The following PRELID2 variants were observed in gnomAD, a reference collection of about 807,000 sequenced individuals.
PRELID2 encodes the protein PRELI domain-containing protein 2.
In PRELID2, 25 loss-of-function variants were observed where a neutral mutation model predicts 28.4. The ratio of observed to expected loss-of-function variants is 0.88; its 90% CI spans 0.64 to 1.23. The LOEUF (loss-of-function observed/expected upper bound fraction) is 1.23, where lower values mean the gene tolerates loss of function less well. Among genes scored for constraint, PRELID2 ranks in the 50% most tolerant of loss-of-function variants. PRELID2 has a pLI of 0.00. For missense variants in PRELID2, 201 were observed against 214.4 expected (o/e 0.94, Z 0.39); for synonymous variants, 76 against 71.6 (o/e 1.06, Z -0.31).
intron 1 of PRELID2, among the ~76,000 whole-genome samples, chr5:145,717,207 C>T (rs573010792): frequency 6.6e-6 from 1 of 152,102 alleles, no homozygotes; most frequent in South Asian, 2.1e-4. Context: ...AAATGTCTGG[C>T]CCACACAAAT....
chr5:145,610,070 T>A (rs1865009), intron 1 of PRELID2, among the ~76,000 whole-genome samples: 21,362 of 152,180 alleles, frequency 0.14, 2,236 homozygotes, highest in African/African-American at 0.27. Context: ...CCCAGGTAGC[T>A]CTCTGCCTCA....
At chr5:145,488,189 T>G (rs1752237790) in intron 1 of PRELID2, among the ~76,000 whole-genome samples, 2 of 151,760 alleles carry the variant, frequency 1.3e-5, no homozygotes, top group South Asian at 4.2e-4. Context: ...CTTTCTGTTC[T>G]GATTTGGAGA....
intron 5 of PRELID2, among the ~76,000 whole-genome samples, chr5:145,790,721 G>GTGTGTGTGTGTGTGTATATATA (rs772901344): frequency 1.3e-4 from 14 of 110,908 alleles, no homozygotes; most frequent in East Asian, 2.9e-4. Context: ...GTGTGTGTGT[G>GTGTGTGTGTGTGTGTATATATA]TATATATATA....
the PRELID2 span, among the ~76,000 whole-genome samples, chr5:145,375,334 A>T: frequency 6.6e-6 from 1 of 152,134 alleles, no homozygotes; most frequent in African/African-American, 2.4e-5. Context: ...ATAATAGCAA[A>T]GATGAGTGCC....
At chr5:145,641,899 T>G (rs1432473933) in intron 1 of PRELID2, among the ~76,000 whole-genome samples, 1 of 152,250 alleles carries the variant, frequency 6.6e-6, no homozygotes, top group Non-Finnish European at 1.5e-5. Flanking sequence ...CACATTTTCT[T>G]TATCCAATCT....
chr5:145,295,969 A>C, the PRELID2 span, among the ~76,000 whole-genome samples: 1 of 152,168 alleles, frequency 6.6e-6, no homozygotes, highest in African/African-American at 2.4e-5. Flanking sequence ...GAAAAGAAAT[A>C]TAAGAATAAA....
chr5:145,245,143 A>G, the PRELID2 span, among the ~76,000 whole-genome samples: 1 of 152,152 alleles, frequency 6.6e-6, no homozygotes, highest in Non-Finnish European at 1.5e-5. Flanking sequence ...AAAGCTAGAT[A>G]CTAATATGTC....
At chr5:145,681,136 T>G (rs957473121) in intron 1 of PRELID2, among the ~76,000 whole-genome samples, 2 of 152,058 alleles carry the variant, frequency 1.3e-5, no homozygotes, top group African/African-American at 4.8e-5. Flanking sequence ...TCAAAAATGA[T>G]CCTTGAAAAA....
At chr5:145,465,281 T>C in the PRELID2 span, among the ~76,000 whole-genome samples, 111 of 152,292 alleles carry the variant, frequency 7.3e-4, no homozygotes, top group African/African-American at 2.6e-3. Context: ...CTGATTTAGT[T>C]AGTCCAGACT....
intron 1 of PRELID2, among the ~76,000 whole-genome samples, chr5:145,721,107 T>C (rs10035998): frequency 0.21 from 31,740 of 152,040 alleles, 4,206 homozygotes; most frequent in African/African-American, 0.37. Flanking sequence ...TTAAGGTCTG[T>C]CTTAATAGAA....
intron 1 of PRELID2, among the ~76,000 whole-genome samples, chr5:145,630,129 CATGGATGG>C (rs61612357): frequency 6.6e-6 from 1 of 150,844 alleles, no homozygotes; most frequent in Non-Finnish European, 1.5e-5. Context: ...TGTTTGGATG[CATGGATGG>C]ATGGATGGAT....
At chr5:145,324,232 T>C in the PRELID2 span, among the ~76,000 whole-genome samples, 5 of 152,254 alleles carry the variant, frequency 3.3e-5, no homozygotes, top group East Asian at 5.8e-4. Flanking sequence ...GTGGATGTCA[T>C]TGTAGGGTGG....
At chr5:145,528,133 T>C (rs761971814) in intron 1 of PRELID2, among the ~76,000 whole-genome samples, 1 of 152,174 alleles carries the variant, frequency 6.6e-6, no homozygotes, top group Non-Finnish European at 1.5e-5. Flanking sequence ...TTAGACCTCA[T>C]TGTTAAGGTC....
chr5:145,409,765 AAG>A, the PRELID2 span, among the ~76,000 whole-genome samples: 437 of 151,826 alleles, frequency 2.9e-3, 3 homozygotes, highest in African/African-American at 0.01. Flanking sequence ...AAAAAAAAAA[AAG>A]ACAAAGAGAG....
At position 145,644,227 on chromosome 5, in the gene PRELID2, T is replaced by C. The variant is rs190630850; in HGVS notation, n.70+120704A>G. Among the ~76,000 whole-genome samples the C allele has an allele frequency of 2.8e-3, 431 of 152,310 alleles. 2 individuals are homozygous for C. Among genetic ancestry groups the C allele is most frequent in the Non-Finnish European group, 3.9e-3 (264 of 68,028 alleles). ...GTCTATTAAGGATTCGACTCCTTCC[T>C]GATTTAGTCTTGGGAGGGTGTATGT... On this transcript the variant is annotated intron_variant and non_coding_transcript_variant, in intron 1 of 2. Transcript: ENST00000510259.
At chr5:145,469,930 C>T (rs943582873), downstream of PRELID2, among the ~76,000 whole-genome samples, 9 of 152,070 alleles carry the variant, frequency 5.9e-5, no homozygotes, top group Non-Finnish European at 1.0e-4. Flanking sequence ...AAGTGTTTCA[C>T]ATGTAGGAAT....
At chr5:145,693,867 A>C (rs1755202078) in intron 1 of PRELID2, among the ~76,000 whole-genome samples, 1 of 152,242 alleles carries the variant, frequency 6.6e-6, no homozygotes, top group South Asian at 2.1e-4. Context: ...TTGGAGAAGA[A>C]TATATAACAG....
intron 1 of PRELID2, 79 bp downstream of exon 1, chr5:145,835,098 T>G (rs1755848548): frequency 1.0e-6 from 1 of 996,886 alleles, no homozygotes; most frequent in African/African-American, 1.6e-5. Flanking sequence ...GGTGCCAGCT[T>G]CCGCGTGGAT....
intron 1 of PRELID2, among the ~76,000 whole-genome samples, chr5:145,707,327 G>A (rs1214412153): frequency 6.6e-6 from 1 of 152,188 alleles, no homozygotes; most frequent in African/African-American, 2.4e-5. Flanking sequence ...GAAGGAAGTT[G>A]AAGGGCCAAG....
Sources: allele counts gnomAD v4.1 joint callset (sites outside exome capture counted in the v4.1 genomes callset), GRCh38; gene constraint gnomAD v4.1.1; transcripts MANE v1.5; gene names NCBI Gene and HGNC (gene_info 2026-07-23, HGNC 2026-07-21).